Variants in RFTN1 observed in about 807,000 individuals in gnomAD.
The protein encoded by RFTN1 is raftlin.
RFTN1 carries 26 observed loss-of-function variants against 46.5 expected under a neutral mutation model. The observed-to-expected ratio is 0.56, with a 90% CI of 0.41 to 0.78. The LOEUF (loss-of-function observed/expected upper bound fraction) is 0.78, where lower values mean the gene tolerates loss of function less well. RFTN1 is among the 30% of genes least tolerant of loss of function. RFTN1 has a pLI of 0.00. For synonymous variants in RFTN1, 261 were observed against 284.2 expected, an observed-to-expected ratio of 0.92 and a Z score of 0.82; for missense variants, 693 against 718.7, an observed-to-expected ratio of 0.96 and a Z score of 0.41.
rs377216530 is a variant in RFTN1, at chr3:16,443,018, T to C, written c.146-8981A>G. 1.8e-4 allele frequency among the ~76,000 whole-genome samples: 27 copies of C among 152,404 alleles called. No homozygotes were observed. The highest frequency in any genetic ancestry group is 6.5e-4 in the African/African-American group (27 of 41,604). On this transcript the variant is annotated intron_variant, in intron 2 of 9. Coordinates refer to ENST00000334133, the MANE Select transcript of RFTN1 (RefSeq NM_015150.2). This position sits in a 1 kb window ranked among gnomAD's most constrained non-coding sequence, Gnocchi z 5.5. Reference sequence around the variant, plus strand: ...TAGGTTGTTTCCATATCCTGGCTATTGTGAATAATGCTGCATGGAGTGCAG... The same window carrying C: ...TAGGTTGTTTCCATATCCTGGCTATCGTGAATAATGCTGCATGGAGTGCAG...
Position 16,387,255 on chromosome 3 carries a change from T to G in RFTN1, c.442-9153A>C, listed in dbSNP as rs577053601. ...AGGGCTCAAGGTCTCCCGCCAAGGC[T>G]GAGGCCACACGGCCACCCTGCAGTG... On this transcript the variant is annotated intron_variant, in intron 4 of 9. Transcript: ENST00000334133. The surrounding 1 kb of genome is among the most constrained non-coding windows in gnomAD (Gnocchi z 5.2). Among the ~76,000 whole-genome samples, 16 of 152,358 alleles carry G rather than the reference T, an allele frequency of 1.1e-4. No individual in the cohort carries two copies. The highest frequency in any genetic ancestry group is 3.8e-4 in the African/African-American group (16 of 41,598).
rs968275093 is a variant in RFTN1, at chr3:16,421,712, G to A, written c.332+12139C>T. Reference sequence around the variant, plus strand: ...AGCTCTTATGGGCAGAGACGGGTCAGTGTAGCCATTTCCACATGAGAGAGA... The same window carrying A: ...AGCTCTTATGGGCAGAGACGGGTCAATGTAGCCATTTCCACATGAGAGAGA... On this transcript the variant is annotated intron_variant, in intron 3 of 9. Transcript: ENST00000334133. This position sits in a 1 kb window ranked among gnomAD's most constrained non-coding sequence, Gnocchi z 4.6. Among the ~76,000 whole-genome samples the A allele has an allele frequency of 6.6e-6, 1 of 152,200 alleles. No homozygotes were observed. The highest frequency in any genetic ancestry group is 1.5e-5 in the Non-Finnish European group (1 of 68,042).
chr3:16,417,071 T>C (rs1485208121), intron 3 of RFTN1, among the ~76,000 whole-genome samples: 1 of 150,716 alleles, frequency 6.6e-6, no homozygotes, highest in African/African-American at 2.4e-5. Flanking sequence ...TGCGGTGGCA[T>C]GATCAAGGGC....
rs748436687 is a variant in RFTN1, at chr3:16,317,241, C to T, written c.1333-9G>A. ...GAGAATCGCCACTGAAACTAGAAAT[C>T]AGAAAGGATGGGGATAAATAACAAG... On this transcript the variant is annotated splice_polypyrimidine_tract_variant and intron_variant, in intron 9 of 9. Transcript: ENST00000334133. The surrounding 1 kb of genome is among the most constrained non-coding windows in gnomAD (Gnocchi z 4.3). The T allele has an allele frequency of 3.1e-6, 5 of 1,610,700 alleles. No individual in the cohort carries two copies. The African/African-American group carries it at 5.4e-5, about 17-fold the overall frequency.
At position 16,475,106 on chromosome 3, in the gene RFTN1, G is replaced by A. The variant is rs1427623162; in HGVS notation, c.145+18619C>T. 2.6e-5 allele frequency among the ~76,000 whole-genome samples: 4 copies of A among 152,108 alleles called. No homozygotes were observed. The highest frequency in any genetic ancestry group is 7.2e-5 in the African/African-American group (3 of 41,408). On this transcript the variant is annotated intron_variant, in intron 2 of 9. Transcript: ENST00000334133. The surrounding 1 kb of genome is among the most constrained non-coding windows in gnomAD (Gnocchi z 4.2). ...GTTTAAAAGAGCATGGCACCTCCTC[G>A]TCTCTTGCTTCCTCTCTCACCATGT...
chr3:16,409,437 C>G lies in RFTN1; in HGVS notation c.379G>C (p.Asp127His), dbSNP rs1236049221. The change falls in exon 4 of 10, where the codon GAT becomes CAT. Residue 127 changes from aspartate (D) to histidine (H), a missense_variant. Transcript: ENST00000334133. ...LHNEGYILEL[D>H]CCSSLDHPTD... ...GGGTGGTCTAAGGAGGAACAGCAATCTAATTCCAAGATGTAGCCTTCATTG... is the reference window on the plus strand; with the variant it reads ...GGGTGGTCTAAGGAGGAACAGCAATGTAATTCCAAGATGTAGCCTTCATTG... The G allele has an allele frequency of 3.1e-6, 5 of 1,613,854 alleles. No homozygotes were observed. The highest frequency in any genetic ancestry group is 4.2e-6 in the Non-Finnish European group (5 of 1,179,766).
At position 16,410,888 on chromosome 3, in the gene RFTN1, G is replaced by C. The variant is rs918441603; in HGVS notation, c.333-1405C>G. Reference sequence around the variant, plus strand: ...CAGGCAGGGCTCCTGTATGACACTAGAGTGGAAATCACGTGGGTGTCAGAA... The same window carrying C: ...CAGGCAGGGCTCCTGTATGACACTACAGTGGAAATCACGTGGGTGTCAGAA... On this transcript the variant is annotated intron_variant, in intron 3 of 9. Transcript: ENST00000334133. This position sits in a 1 kb window ranked among gnomAD's most constrained non-coding sequence, Gnocchi z 4.6. Among the ~76,000 whole-genome samples the C allele has an allele frequency of 2.0e-5, 3 of 152,222 alleles. No homozygotes were observed. Among genetic ancestry groups the C allele is most frequent in the African/African-American group, 4.8e-5 (2 of 41,450 alleles).
chr3:16,343,490 C>G (rs1470026645), intron 7 of RFTN1, among the ~76,000 whole-genome samples: 1 of 152,174 alleles, frequency 6.6e-6, no homozygotes, highest in African/African-American at 2.4e-5. Flanking sequence ...CCACCATTTC[C>G]AGGTGTCTCC....
At chr3:16,455,775 T>C (rs1203520149) in intron 2 of RFTN1, among the ~76,000 whole-genome samples, 1 of 152,200 alleles carries the variant, frequency 6.6e-6, no homozygotes, top group Non-Finnish European at 1.5e-5. Flanking sequence ...TTAATGCACA[T>C]GGCAAAAACT....
At chr3:16,390,973 A>C (rs921212657) in intron 4 of RFTN1, among the ~76,000 whole-genome samples, 2 of 152,230 alleles carry the variant, frequency 1.3e-5, no homozygotes, top group African/African-American at 4.8e-5. Context: ...TGTACCCCCC[A>C]TGACAACCTT....
chr3:16,340,570 T>C (rs1169003945), intron 7 of RFTN1, among the ~76,000 whole-genome samples: 3 of 152,260 alleles, frequency 2.0e-5, no homozygotes, highest in African/African-American at 7.2e-5. Flanking sequence ...AATGGTTAGT[T>C]ACACAGCAGA....
At chr3:16,371,173 A>G (rs1228883857) in intron 5 of RFTN1, among the ~76,000 whole-genome samples, 1 of 152,252 alleles carries the variant, frequency 6.6e-6, no homozygotes, top group African/African-American at 2.4e-5. Context: ...TTCCAAAAAT[A>G]TCTTCTTAAA....
intron 6 of RFTN1, among the ~76,000 whole-genome samples, chr3:16,366,194 C>T (rs2073159543): frequency 6.8e-6 from 1 of 146,050 alleles, no homozygotes; most frequent in African/African-American, 2.4e-5. Flanking sequence ...GCCTCAGTGG[C>T]TGGTGATGGC....
In RFTN1 at chr3:16,380,365, T is replaced by G. The variant is rs2073945569; in HGVS notation, c.442-2263A>C. ...CCTCTCTCCTTATCAGTCCTGGGCTTCTGCGGCCCTGCAGAGACTGCTGTC... is the reference window on the plus strand; with the variant it reads ...CCTCTCTCCTTATCAGTCCTGGGCTGCTGCGGCCCTGCAGAGACTGCTGTC... On this transcript the variant is annotated intron_variant, in intron 4 of 9. Coordinates refer to ENST00000334133, the MANE Select transcript of RFTN1 (RefSeq NM_015150.2). This position sits in a 1 kb window ranked among gnomAD's most constrained non-coding sequence, Gnocchi z 4.8. Among the ~76,000 whole-genome samples the G allele has an allele frequency of 6.6e-6, 1 of 152,216 alleles. No individual in the cohort carries two copies. Among genetic ancestry groups the G allele is most frequent in the Non-Finnish European group, 1.5e-5 (1 of 68,030 alleles).
rs373043552 is a variant in RFTN1, at chr3:16,410,560, AG to A, written c.333-1078del. Among the ~76,000 whole-genome samples the A allele has an allele frequency of 9.3e-4, 141 of 152,342 alleles. No homozygotes were observed. Among genetic ancestry groups the A allele is most frequent in the African/African-American group, 3.3e-3 (139 of 41,572 alleles). ...CTTTAAAAGGGTTCAACCCCTTTAG[AG>A]GGCAATCTGGCAAAATCTATGGAAA... On this transcript the variant is annotated intron_variant, in intron 3 of 9. Transcript: ENST00000334133. This position sits in a 1 kb window ranked among gnomAD's most constrained non-coding sequence, Gnocchi z 4.6.
At chr3:16,325,564 TGA>T (rs1419905443) in intron 8 of RFTN1, among the ~76,000 whole-genome samples, 1 of 152,208 alleles carries the variant, frequency 6.6e-6, no homozygotes, top group Non-Finnish European at 1.5e-5. Flanking sequence ...AGTGGCAGAC[TGA>T]AGACTTGGGT....
chr3:16,472,000 C>G (rs186932933), intron 2 of RFTN1: 1 of 152,186 alleles, frequency 6.6e-6, no homozygotes, highest in Non-Finnish European at 1.5e-5. Context: ...GGGGGTCTCG[C>G]TGCAGCCTTT....
chr3:16,482,127 G>A (rs965089406), intron 2 of RFTN1, among the ~76,000 whole-genome samples: 3 of 152,004 alleles, frequency 2.0e-5, no homozygotes, highest in Non-Finnish European at 4.4e-5. Flanking sequence ...ATGTGGCTCC[G>A]GACCCTCAGA....
intron 2 of RFTN1, among the ~76,000 whole-genome samples, chr3:16,436,969 T>A (rs73043160): frequency 6.6e-6 from 1 of 152,164 alleles, no homozygotes; most frequent in Admixed American, 6.5e-5. Context: ...TCTGTGGGTA[T>A]TTTTATTGGG....
Sources: gnomAD v4.1 joint callset for allele counts (sites outside exome capture counted in the v4.1 genomes callset) on GRCh38, gnomAD v4.1.1 for gene constraint, Gnocchi (gnomAD v3.1) non-coding constraint, MANE v1.5 for transcripts, NCBI Gene and HGNC (gene_info 2026-07-23, HGNC 2026-07-21) for gene names.